The following ARHGEF3 variants were observed in gnomAD, a reference collection of about 807,000 sequenced individuals.
ARHGEF3 encodes the protein 59.8 kDA protein.
In ARHGEF3, 28 loss-of-function variants were observed where a neutral mutation model predicts 63.2. The ratio of observed to expected loss-of-function variants is 0.44; its 90% CI spans 0.33 to 0.61. The LOEUF is 0.61. ARHGEF3 is among the 20% of genes least tolerant of loss of function. ARHGEF3 has a pLI of 0.03. For missense variants in ARHGEF3, 533 were observed against 659.3 expected, an observed-to-expected ratio of 0.81 and a Z score of 2.10; for synonymous variants, 266 against 254.2, an observed-to-expected ratio of 1.05 and a Z score of -0.44.
chr3:56,916,388 A>G, intron 3 of ARHGEF3: 1 of 1,532,038 alleles, frequency 6.5e-7, no homozygotes, highest in East Asian at 2.5e-5. Flanking sequence ...TCCTAACTGC[A>G]GTGGAGCCCT....
At chr3:57,025,081 C>G (rs1212671535) in intron 2 of ARHGEF3, among the ~76,000 whole-genome samples, 2 of 152,122 alleles carry the variant, frequency 1.3e-5, no homozygotes, top group African/African-American at 4.8e-5. Flanking sequence ...AAACACAGAA[C>G]GTGGATCTGA....
At chr3:56,745,570 T>C in intron 6 of ARHGEF3, 108 bp from the exon 7 acceptor site, 2 of 1,302,158 alleles carry the variant, frequency 1.5e-6, no homozygotes, top group Non-Finnish European at 2.1e-6. Context: ...GGTCTCTGGG[T>C]CTGGCTGACA....
intron 3 of ARHGEF3, among the ~76,000 whole-genome samples, chr3:56,906,929 A>G (rs1336891270): frequency 6.6e-6 from 1 of 150,408 alleles, no homozygotes; most frequent in Non-Finnish European, 1.5e-5. Context: ...ACTTATTTTA[A>G]TGTGGTTACT....
intron 4 of ARHGEF3, among the ~76,000 whole-genome samples, chr3:56,854,938 G>A (rs894205797): frequency 2.0e-5 from 3 of 152,166 alleles, no homozygotes; most frequent in Admixed American, 1.3e-4. Context: ...TCAGAAATGT[G>A]AGCAGTAAAC....
intron 1 of ARHGEF3, among the ~76,000 whole-genome samples, chr3:57,077,731 C>A (rs573975619): frequency 1.3e-5 from 2 of 152,268 alleles, no homozygotes; most frequent in Admixed American, 6.5e-5. Flanking sequence ...CACCCTCCCC[C>A]CAACCAAGAG....
At chr3:56,974,875 C>A (rs1025722525) in intron 2 of ARHGEF3, among the ~76,000 whole-genome samples, 11 of 152,168 alleles carry the variant, frequency 7.2e-5, no homozygotes, top group African/African-American at 2.7e-4. Flanking sequence ...TGGGGAGAGC[C>A]TGTTCTTTCC....
intron 3 of ARHGEF3, among the ~76,000 whole-genome samples, chr3:56,935,569 G>A (rs1698852275): frequency 6.6e-6 from 1 of 151,906 alleles, no homozygotes; most frequent in Non-Finnish European, 1.5e-5. Flanking sequence ...TGAGCCCAGC[G>A]AGACTACAAG....
intron 4 of ARHGEF3, among the ~76,000 whole-genome samples, chr3:56,852,169 T>C (rs1219030952): frequency 1.3e-5 from 2 of 152,164 alleles, no homozygotes; most frequent in East Asian, 1.9e-4. Context: ...GAAAGCCTAC[T>C]AGACAGCAGA....
chr3:56,987,430 C>T (rs1004114205), intron 2 of ARHGEF3, among the ~76,000 whole-genome samples: 57 of 152,246 alleles, frequency 3.7e-4, no homozygotes, highest in African/African-American at 1.1e-3. Flanking sequence ...GGCAATGCAA[C>T]GGCTGAGCAG....
rs1167394113 is a variant in ARHGEF3, at chr3:56,956,583, T to A, written c.129+2240A>T. Among the ~76,000 whole-genome samples, 4 of 152,176 alleles carry A rather than the reference T, an allele frequency of 2.6e-5. No homozygotes were observed. The East Asian group carries it at 7.7e-4, about 29-fold the overall frequency. On this transcript the variant is annotated intron_variant, in intron 3 of 12. Transcript: ENST00000338458. Reference sequence around the variant, plus strand: ...AACAGTTGAAGAGGTCTCGTGGCCATAGGTGGGGTAATCAATTGTCCCAGT... The same window carrying A: ...AACAGTTGAAGAGGTCTCGTGGCCAAAGGTGGGGTAATCAATTGTCCCAGT...
At position 57,019,582 on chromosome 3, in the gene ARHGEF3, C is replaced by T. The variant is rs75377478; in HGVS notation, c.62+15506G>A. On this transcript the variant is annotated intron_variant, in intron 2 of 12. Transcript: ENST00000338458. ...GCATGTGTGTCAGATATATTTACAC[C>T]TCAATCAAATTAAAATAAAAAATAC... is the stretch of plus-strand genomic sequence containing the variant. Among the ~76,000 whole-genome samples the T allele has an allele frequency of 9.2e-3, 1,407 of 152,140 alleles. 28 individuals carry two copies. Among genetic ancestry groups the T allele is most frequent in the African/African-American group, 0.032 (1,322 of 41,508 alleles).
chr3:56,771,519 C>T (rs1477993715), intron 2 of ARHGEF3, among the ~76,000 whole-genome samples: 3 of 152,122 alleles, frequency 2.0e-5, no homozygotes. Context: ...GAGTAAAGGG[C>T]CAGGTGTTAG....
chr3:56,958,742 T>C, intron 3 of ARHGEF3: 1 of 1,430,396 alleles, frequency 7.0e-7, no homozygotes, highest in South Asian at 1.2e-5. Flanking sequence ...AAACCAACCC[T>C]AACAGCGTCC....
In ARHGEF3 at chr3:56,992,024, C is replaced by CTCTGTGTGTG. The variant is rs1239113895; in HGVS notation, c.63-33136_63-33135insCACACACAGA. 1.7e-3 allele frequency among the ~76,000 whole-genome samples: 230 copies of CTCTGTGTGTG among 131,712 alleles called. 8 individuals carry two copies. Among genetic ancestry groups the CTCTGTGTGTG allele is most frequent in the Middle Eastern group, 7.4e-3 (2 of 270 alleles). 86.4% of individuals were successfully genotyped at this position (131,712 alleles called of 152,430 possible). ...TCTCACTCTCTCTCCCCTCCTCTCT[C>CTCTGTGTGTG]TGTGTGTGTGTGTGTGTGTGTGTGT... is the stretch of plus-strand genomic sequence containing the variant. On this transcript the variant is annotated intron_variant, in intron 2 of 12. Coordinates refer to the ARHGEF3 transcript ENST00000338458.
chr3:57,014,528 C>T (rs1264025478), intron 2 of ARHGEF3, among the ~76,000 whole-genome samples: 7 of 151,838 alleles, frequency 4.6e-5, no homozygotes, highest in Non-Finnish European at 8.8e-5. Flanking sequence ...AAATTTCTCA[C>T]AATACTCACT....
At chr3:56,900,441 C>T (rs1435250320) in intron 3 of ARHGEF3, among the ~76,000 whole-genome samples, 4 of 152,176 alleles carry the variant, frequency 2.6e-5, no homozygotes, top group Non-Finnish European at 5.9e-5. Flanking sequence ...AGTTTAAGAC[C>T]AGCCTGGGCA....
intron 6 of ARHGEF3, among the ~76,000 whole-genome samples, chr3:56,749,617 C>G (rs2034604838): frequency 6.6e-6 from 1 of 152,170 alleles, no homozygotes; most frequent in South Asian, 2.1e-4. Flanking sequence ...TTGGCTGGCT[C>G]TCTTTGGAGA....
intron 8 of ARHGEF3, 113 bp downstream of exon 8, chr3:56,737,072 T>C: frequency 8.3e-7 from 1 of 1,205,178 alleles, no homozygotes; most frequent in South Asian, 2.1e-5. Flanking sequence ...AGACTCCATC[T>C]CAAAAAAGAA....
chr3:57,070,416 G>C (rs1436900557), intron 1 of ARHGEF3, among the ~76,000 whole-genome samples: 1 of 152,204 alleles, frequency 6.6e-6, no homozygotes, highest in South Asian at 2.1e-4. Flanking sequence ...AGTTTTGTCT[G>C]TGCAGTTTGA....
Sources: gnomAD v4.1 joint callset for allele counts (sites outside exome capture counted in the v4.1 genomes callset) on GRCh38, gnomAD v4.1.1 for gene constraint, MANE v1.5 for transcripts, NCBI Gene and HGNC (gene_info 2026-07-23, HGNC 2026-07-21) for gene names.